SVEP1: variants seen among roughly 807,000 people sequenced by gnomAD.
SVEP1 encodes the protein sushi, von Willebrand factor type A, EGF and pentraxin domain containing 1, also known as sushi, von Willebrand factor type A, EGF and pentraxin domain-containing protein 1.
Under a neutral mutation model 367.3 loss-of-function variants are expected in SVEP1, and 164 were observed. The ratio of observed to expected loss-of-function variants is 0.45; its 90% CI spans 0.39 to 0.51. SVEP1 has a LOEUF of 0.51. Among genes scored for constraint, SVEP1 ranks in the 20% least tolerant of loss-of-function variants. SVEP1 has a pLI of 0.00. For missense variants in SVEP1, 4,117 were observed against 4,425.3 expected, an observed-to-expected ratio of 0.93 and a Z score of 1.98; for synonymous variants, 1,666 against 1,611.6, an observed-to-expected ratio of 1.03 and a Z score of -0.81.
At chr9:110,414,915 G>T (rs1013297038) in intron 36 of SVEP1, among the ~76,000 whole-genome samples, 1 of 151,962 alleles carries the variant, frequency 6.6e-6, no homozygotes, top group Non-Finnish European at 1.5e-5. Context: ...GTTTATATCT[G>T]AGAAGAATCA....
At chr9:110,433,822 T>C (rs1299042442) in intron 30 of SVEP1, among the ~76,000 whole-genome samples, 1 of 152,206 alleles carries the variant, frequency 6.6e-6, no homozygotes, top group Non-Finnish European at 1.5e-5. Context: ...CTCTTGCTTC[T>C]AGCCCTTACC....
intron 3 of SVEP1, among the ~76,000 whole-genome samples, chr9:110,536,707 TTTA>T (rs1374156401): frequency 1.3e-5 from 2 of 151,964 alleles, no homozygotes; most frequent in African/African-American, 4.8e-5. Context: ...TTTTCTTTTT[TTTA>T]TTATACTTTA....
chr9:110,559,639 G>A (rs184916612), intron 1 of SVEP1, among the ~76,000 whole-genome samples: 12 of 151,796 alleles, frequency 7.9e-5, no homozygotes, highest in Non-Finnish European at 1.2e-4. Context: ...TTTGGAGGAC[G>A]GTTTGACAAA....
intron 44 of SVEP1, among the ~76,000 whole-genome samples, chr9:110,378,781 G>A (rs190130985): frequency 1.3e-5 from 2 of 149,960 alleles, no homozygotes; most frequent in Non-Finnish European, 3.0e-5. Flanking sequence ...GGAGGGCGGA[G>A]GGATAGCATT....
chr9:110,556,275 T>C (rs1221412227), intron 1 of SVEP1, among the ~76,000 whole-genome samples: 1 of 152,090 alleles, frequency 6.6e-6, no homozygotes, highest in African/African-American at 2.4e-5. Context: ...CCACTCCATG[T>C]CAGGCTGCAA....
chr9:110,467,550 A>G (rs1322355878), intron 17 of SVEP1, among the ~76,000 whole-genome samples: 2 of 151,662 alleles, frequency 1.3e-5, no homozygotes, highest in East Asian at 3.9e-4. Flanking sequence ...ATGGTTTAGT[A>G]TCGTACCCCT....
At chr9:110,390,253 ATATAAG>A (rs1408511543) in intron 40 of SVEP1, among the ~76,000 whole-genome samples, 1 of 125,174 alleles carries the variant, frequency 8.0e-6, no homozygotes, top group Admixed American at 8.2e-5. Context: ...ATATATACTT[ATATAAG>A]TATGTATATA....
chr9:110,452,606 T>TTGG (rs1828709560), intron 22 of SVEP1, among the ~76,000 whole-genome samples: 1 of 152,246 alleles, frequency 6.6e-6, no homozygotes, highest in Admixed American at 6.5e-5. Flanking sequence ...TGGTCTGCAG[T>TTGG]TGGTCTCACA....
chr9:110,449,087 A>G (rs1483889368), intron 24 of SVEP1, among the ~76,000 whole-genome samples: 2 of 152,324 alleles, frequency 1.3e-5, no homozygotes, highest in African/African-American at 2.4e-5. Context: ...AGAGAAATCT[A>G]TCTTGTATAC....
At chr9:110,542,598 A>T (rs1830165174) in intron 3 of SVEP1, among the ~76,000 whole-genome samples, 1 of 152,232 alleles carries the variant, frequency 6.6e-6, no homozygotes, top group Admixed American at 6.5e-5. Context: ...TTAATAACAC[A>T]TAACATTGTT....
intron 39 of SVEP1, among the ~76,000 whole-genome samples, chr9:110,403,296 G>GTTTCTTTTTTTTTTT (rs1827893343): frequency 2.3e-5 from 1 of 43,454 alleles, no homozygotes; most frequent in African/African-American, 1.2e-4. Context: ...CGCCACCGCC[G>GTTTCTTTTTTTTTTT]TTTTTTTTTT....
intron 36 of SVEP1, among the ~76,000 whole-genome samples, chr9:110,423,081 T>A (rs1264027006): frequency 7.7e-6 from 1 of 130,416 alleles, no homozygotes; most frequent in African/African-American, 3.0e-5. Context: ...GTAACTAACC[T>A]GCACAATGTG....
chr9:110,500,436 C>T (rs962264589), intron 6 of SVEP1, among the ~76,000 whole-genome samples: 4 of 152,016 alleles, frequency 2.6e-5, no homozygotes, highest in Admixed American at 2.0e-4. Context: ...TTACGGTGAG[C>T]GTGTCTTTAA....
rs548845666 is a variant in SVEP1, at chr9:110,535,295, T to G, written c.964+10820A>C. ...AGGAGTCCTTTCCCCATATCTTGTT[T>G]TTGTCCATTTTGTCAAAGATCAGAT... On this transcript the variant is annotated intron_variant, in intron 3 of 47. Transcript: ENST00000374469. Among the ~76,000 whole-genome samples the G allele has an allele frequency of 9.9e-5, 15 of 152,264 alleles. 1 individual carries two copies. Among genetic ancestry groups the G allele is most frequent in the African/African-American group, 3.6e-4 (15 of 41,570 alleles).
At chr9:110,429,393 C>T in intron 34 of SVEP1, 59 bp from the exon 35 acceptor site, 1 of 1,248,734 alleles carries the variant, frequency 8.0e-7, no homozygotes, top group Non-Finnish European at 1.1e-6. Flanking sequence ...ATGCCGTTAT[C>T]TGTGCCAAAA....
At position 110,471,509 on chromosome 9, in the gene SVEP1, A is replaced by C. The variant is rs200277496; in HGVS notation, c.2853T>G (p.Asn951Lys). 1.2e-6 allele frequency: 2 copies of C among 1,613,930 alleles called. No homozygotes were observed. The highest frequency in any genetic ancestry group is 1.7e-5 in the Admixed American group (1 of 60,014). ...RLLQTLETIT[N>K]KLKRTLNKDP... ...CTTTGTTGAGAGTCCTTTTCAGTTTATTTGTGATAGTTTCCAATGTCTGAA... is the reference window on the plus strand; with the variant it reads ...CTTTGTTGAGAGTCCTTTTCAGTTTCTTTGTGATAGTTTCCAATGTCTGAA... The change falls in exon 16 of 48, where the codon AAT (asparagine) becomes AAG (lysine). Residue 951 changes from asparagine (N) to lysine (K), a missense_variant. Coordinates refer to ENST00000374469, the MANE Select transcript of SVEP1 (RefSeq NM_153366.4).
intron 3 of SVEP1, 77 bp downstream of exon 3, chr9:110,546,038 T>C: frequency 1.3e-6 from 2 of 1,485,104 alleles, no homozygotes; most frequent in Non-Finnish European, 1.8e-6. Context: ...CAAGCATGTA[T>C]TCCTTATAGC....
rs1830255381 is a variant in SVEP1 at position 110,549,331 on chromosome 9, T to A, written c.787+518A>T. On this transcript the variant is annotated intron_variant, in intron 2 of 47. Transcript: ENST00000374469. Reference sequence around the variant, plus strand: ...TCTAATAATGATACATTTGCTGATTTCCTTCCCTTTTAGGGTTAATGCTCT... The same window carrying A: ...TCTAATAATGATACATTTGCTGATTACCTTCCCTTTTAGGGTTAATGCTCT... Among the ~76,000 whole-genome samples the A allele has an allele frequency of 2.0e-5, 3 of 152,204 alleles. No individual in the cohort carries two copies. The South Asian group carries it at 6.2e-4, about 31-fold the overall frequency.
Position 110,406,875 on chromosome 9 carries a change from A to G in SVEP1, c.8725T>C (p.Phe2909Leu), listed in dbSNP as rs1384427128. The G allele has an allele frequency of 6.2e-7, 1 of 1,613,970 alleles. No homozygotes were observed. The highest frequency in any genetic ancestry group is 2.2e-5 in the East Asian group (1 of 44,876). ...CAGTGGAATGTTACTTCCTTCATGAAGCCATAGTCCAGGCCTTCCGTCACC... is the reference window on the plus strand; with the variant it reads ...CAGTGGAATGTTACTTCCTTCATGAGGCCATAGTCCAGGCCTTCCGTCACC... ...NGVTEGLDYG[F>L]MKEVTFHCHE... Residue 2909 changes from phenylalanine (F) to leucine (L), a missense_variant, in exon 38 of 48, where the codon TTC becomes CTC. Phe to Leu is a conservative substitution (Grantham distance 22). Transcript: ENST00000374469.
Sources: gnomAD v4.1 joint callset for allele counts (sites outside exome capture counted in the v4.1 genomes callset) on GRCh38, gnomAD v4.1.1 for gene constraint, MANE v1.5 for transcripts, NCBI Gene and HGNC (gene_info 2026-07-23, HGNC 2026-07-21) for gene names.